Variants in MTMR3 observed in about 807,000 individuals in gnomAD.
The protein encoded by MTMR3 is phosphatidylinositol-3,5-bisphosphate 3-phosphatase MTMR3.
Under a neutral mutation model 132.4 loss-of-function variants are expected in MTMR3, and 32 were observed. The ratio of observed to expected loss-of-function variants is 0.24; its 90% CI spans 0.18 to 0.32. MTMR3 has a LOEUF of 0.32. Among genes scored for constraint, MTMR3 ranks in the 10% least tolerant of loss-of-function variants. The pLI is 1.00. For missense variants in MTMR3, 1,216 were observed against 1,489.6 expected, an observed-to-expected ratio of 0.82 and a Z score of 3.02; for synonymous variants, 556 against 550.3, an observed-to-expected ratio of 1.01 and a Z score of -0.14.
chr22:29,910,328 TGTAGTTG>T (rs1218402988), intron 1 of MTMR3, among the ~76,000 whole-genome samples: 3 of 152,160 alleles, frequency 2.0e-5, no homozygotes, highest in African/African-American at 7.2e-5. Context: ...AGGTAAATAC[TGTAGTTG>T]GTAGTAAACT....
intron 2 of MTMR3, among the ~76,000 whole-genome samples, chr22:29,965,010 C>T (rs908714049): frequency 2.6e-5 from 4 of 152,028 alleles, no homozygotes; most frequent in African/African-American, 4.8e-5. Flanking sequence ...CATGCACTTC[C>T]GTATATTAGA....
chr22:30,022,179 C>T lies in MTMR3; in HGVS notation c.3336+40C>T, dbSNP rs11702979. The stretch of plus-strand genomic sequence containing the variant: ...CCTGCTCTGAGTGCCATCAATTTAA[C>T]TGTTTTGTGGTTCTTCTCCACCCCC... On this transcript the variant is annotated intron_variant, in intron 18 of 19. Transcript: ENST00000401950. 10 of 1,517,628 alleles carry T rather than the reference C, an allele frequency of 6.6e-6. No individual in the cohort carries two copies. In the Admixed American group the frequency reaches 6.7e-5, roughly 10 times the overall value. The allele number at this position is 1,517,628 out of a possible 1,614,324, so 94.0% of individuals were successfully genotyped here.
intron 1 of MTMR3, among the ~76,000 whole-genome samples, chr22:29,926,413 T>C (rs1039013000): frequency 6.6e-6 from 1 of 152,204 alleles, no homozygotes; most frequent in Non-Finnish European, 1.5e-5. Flanking sequence ...AGGAGTGAAA[T>C]GGCTGAATCA....
At chr22:29,988,383 C>A in intron 5 of MTMR3, 97 bp from the exon 6 acceptor site, 1 of 827,244 alleles carries the variant, frequency 1.2e-6, no homozygotes, top group East Asian at 2.6e-5. Flanking sequence ...GTTGCTTTCC[C>A]TTATAGATCT....
chr22:30,020,139 C>A lies in MTMR3; in HGVS notation c.2480C>A (p.Ser827Tyr). Residue 827 changes from serine (S) to tyrosine (Y), a missense_variant, in exon 17 of 20, where the codon TCT becomes TAT. Physicochemically the swap from Ser to Tyr is moderately radical, Grantham distance 144. Transcript: ENST00000401950. ...GGCTATGGTACCTCACAGTCATGTT[C>A]TCTGCTACCTTCCCAAGTCCCTTTT... The part of the protein sequence containing the change: ...KVGYGTSQSC[S>Y]LLPSQVPFET... 3 of 1,614,208 alleles carry A rather than the reference C, an allele frequency of 1.9e-6. No homozygotes were observed. The highest frequency in any genetic ancestry group is 2.5e-6 in the Non-Finnish European group (3 of 1,180,050).
chr22:29,978,671 C>T (rs1441580365), intron 4 of MTMR3, 140 bp downstream of exon 4: 2 of 675,692 alleles, frequency 3.0e-6, no homozygotes, highest in Non-Finnish European at 4.9e-6. Flanking sequence ...GAAAACATCT[C>T]ATTTTAGCAA....
intron 12 of MTMR3, chr22:30,011,963 T>C (rs1485878852): frequency 6.4e-6 from 1 of 155,362 alleles, no homozygotes; most frequent in Non-Finnish European, 1.4e-5. Flanking sequence ...TTTGAGAACT[T>C]GTTGGGCGTA....
At chr22:29,978,152 G>A (rs759236094) in intron 3 of MTMR3, 8 of 242,412 alleles carry the variant, frequency 3.3e-5, no homozygotes. Context: ...GGGTGATAGT[G>A]AGATTCTGTC....
At chr22:30,018,153 G>C in intron 16 of MTMR3, 81 bp downstream of exon 16, 1 of 1,384,920 alleles carries the variant, frequency 7.2e-7, no homozygotes, top group Non-Finnish European at 9.6e-7. Context: ...GATGGTCAGA[G>C]ATCATGATGG....
chr22:29,888,878 A>T (rs1035167639), intron 1 of MTMR3, among the ~76,000 whole-genome samples: 1 of 145,586 alleles, frequency 6.9e-6, no homozygotes, highest in Admixed American at 7.3e-5. Context: ...GGTTCAAGTG[A>T]TTCTCCCTGC....
At chr22:29,984,476 T>G (rs1316497510) in intron 5 of MTMR3, 1 of 152,212 alleles carries the variant, frequency 6.6e-6, no homozygotes, top group African/African-American at 2.4e-5. Context: ...GCTCTTCTGC[T>G]TTTTTTGGAT....
chr22:29,996,587 T>G (rs2067065047), intron 7 of MTMR3: 1 of 152,222 alleles, frequency 6.6e-6, no homozygotes, highest in Non-Finnish European at 1.5e-5. Flanking sequence ...TTACAGCTTT[T>G]GCAAAGACTT....
At chr22:29,905,761 G>A (rs1351887856) in intron 1 of MTMR3, among the ~76,000 whole-genome samples, 1 of 151,984 alleles carries the variant, frequency 6.6e-6, no homozygotes, top group African/African-American at 2.4e-5. Flanking sequence ...TTTTATTACT[G>A]TATTTTTACA....
intron 1 of MTMR3, among the ~76,000 whole-genome samples, chr22:29,912,850 A>G (rs896766983): frequency 6.6e-6 from 1 of 152,070 alleles, no homozygotes; most frequent in East Asian, 1.9e-4. Flanking sequence ...ACATCATCCA[A>G]CTCTTGGCCT....
chr22:29,887,221 G>C (rs1227916763), intron 1 of MTMR3, among the ~76,000 whole-genome samples: 1 of 152,088 alleles, frequency 6.6e-6, no homozygotes, highest in Non-Finnish European at 1.5e-5. Context: ...TAAATCTTGG[G>C]TTCAAGCCTG....
At chr22:29,883,420 C>CCGGCCT (rs1476297385) in intron 1 of MTMR3, 61 bp downstream of exon 1, 1 of 154,346 alleles carries the variant, frequency 6.5e-6, no homozygotes, top group Non-Finnish European at 1.4e-5. Flanking sequence ...GGAGGAGGGG[C>CCGGCCT]CGGCCTCGGC....
intron 16 of MTMR3, chr22:30,019,118 C>T (rs1277535584): frequency 1.7e-5 from 3 of 181,760 alleles, no homozygotes; most frequent in African/African-American, 2.4e-5. Flanking sequence ...GAGGCAGGAT[C>T]GCTTGAACCT....
intron 1 of MTMR3, among the ~76,000 whole-genome samples, chr22:29,889,306 T>TA (rs71198511): frequency 3.4e-5 from 5 of 149,028 alleles, no homozygotes; most frequent in African/African-American, 5.0e-5. Flanking sequence ...TTTTTTTTTT[T>TA]AGATGGCGTC....
intron 1 of MTMR3, among the ~76,000 whole-genome samples, chr22:29,956,375 T>C (rs1282333365): frequency 2.6e-5 from 4 of 152,138 alleles, no homozygotes; most frequent in Non-Finnish European, 5.9e-5. Flanking sequence ...GCCTCCTGAA[T>C]AGCTGGGATC....
Sources: gnomAD v4.1 joint callset for allele counts (sites outside exome capture counted in the v4.1 genomes callset) on GRCh38, gnomAD v4.1.1 for gene constraint, MANE v1.5 for transcripts, NCBI Gene and HGNC (gene_info 2026-07-23, HGNC 2026-07-21) for gene names.